GALNT17: variants seen among roughly 807,000 people sequenced by gnomAD.
GALNT17 encodes the protein UDP-GalNAc:polypeptide N-acetylgalactosaminyltransferase-like 3.
A neutral mutation model predicts 63.7 loss-of-function variants in GALNT17; 29 were observed. The observed-to-expected ratio is 0.46, with a 90% CI of 0.34 to 0.62. The LOEUF (loss-of-function observed/expected upper bound fraction) is 0.62, where lower values mean the gene tolerates loss of function less well. Among genes scored for constraint, GALNT17 ranks in the 20% least tolerant of loss-of-function variants. The probability of loss-of-function intolerance (pLI) is 0.01; values close to 1 mark genes in which losing one functional copy is unlikely to be tolerated. For missense variants in GALNT17, 603 were observed against 799.6 expected, an observed-to-expected ratio of 0.75 and a Z score of 2.97; for synonymous variants, 305 against 318.3, an observed-to-expected ratio of 0.96 and a Z score of 0.45.
chr7:71,476,871 AGT>A (rs763750064), intron 5 of GALNT17, among the ~76,000 whole-genome samples: 1 of 152,122 alleles, frequency 6.6e-6, no homozygotes, highest in African/African-American at 2.4e-5. Context: ...GACCTTAGCA[AGT>A]GTGAGGTTCT....
At chr7:71,613,216 A>G (rs1415105209) in intron 6 of GALNT17, among the ~76,000 whole-genome samples, 1 of 152,232 alleles carries the variant, frequency 6.6e-6, no homozygotes, top group Non-Finnish European at 1.5e-5. Flanking sequence ...AGGGAGAGCT[A>G]ATGATGGTAC....
intron 9 of GALNT17, among the ~76,000 whole-genome samples, chr7:71,710,552 G>A (rs1446767390): frequency 6.6e-6 from 1 of 151,860 alleles, no homozygotes; most frequent in Admixed American, 6.6e-5. Context: ...TGGGGACTCT[G>A]TATCCAGGCT....
At chr7:71,136,467 G>A (rs185734653) in intron 1 of GALNT17, among the ~76,000 whole-genome samples, 8 of 152,126 alleles carry the variant, frequency 5.3e-5, no homozygotes, top group African/African-American at 1.9e-4. Context: ...GATTTATGGA[G>A]GGCTCTACCT....
intron 5 of GALNT17, among the ~76,000 whole-genome samples, chr7:71,550,154 C>A (rs1376495279): frequency 1.3e-5 from 2 of 151,796 alleles, no homozygotes; most frequent in Middle Eastern, 3.2e-3. Context: ...TCAACAGGTT[C>A]ATTGTAAAGG....
At chr7:71,296,946 A>G (rs1791092514) in intron 1 of GALNT17, among the ~76,000 whole-genome samples, 1 of 152,200 alleles carries the variant, frequency 6.6e-6, no homozygotes, top group Non-Finnish European at 1.5e-5. Context: ...TCTTCAGGCT[A>G]TAGAAGTTGA....
intron 5 of GALNT17, among the ~76,000 whole-genome samples, chr7:71,445,102 C>T (rs1787136299): frequency 1.3e-5 from 2 of 151,784 alleles, no homozygotes; most frequent in South Asian, 4.2e-4. Context: ...AGCCATCATG[C>T]CATCACCCAG....
At chr7:71,421,245 A>G in intron 5 of GALNT17, 140 bp downstream of exon 5, 1 of 846,538 alleles carries the variant, frequency 1.2e-6, no homozygotes, top group Non-Finnish European at 1.8e-6. Flanking sequence ...CCGTTGTCTC[A>G]GGATCACAGC....
intron 5 of GALNT17, among the ~76,000 whole-genome samples, chr7:71,551,627 G>A (rs34860529): frequency 0.13 from 20,054 of 151,998 alleles, 1,958 homozygotes; most frequent in East Asian, 0.5. Context: ...AATTAGCCAG[G>A]TGCATGGCAC....
intron 5 of GALNT17, among the ~76,000 whole-genome samples, chr7:71,455,193 G>T (rs765389812): frequency 1.3e-5 from 2 of 151,978 alleles, no homozygotes; most frequent in African/African-American, 4.8e-5. Context: ...AGGAATGCTG[G>T]TCAGTTGTTC....
At chr7:71,239,302 C>T (rs1789951253) in intron 1 of GALNT17, among the ~76,000 whole-genome samples, 1 of 150,970 alleles carries the variant, frequency 6.6e-6, no homozygotes, top group Non-Finnish European at 1.5e-5. Flanking sequence ...TGTACCCCCC[C>T]CCAAAAAAAA....
At chr7:71,710,075 G>C (rs1791770889) in intron 9 of GALNT17, among the ~76,000 whole-genome samples, 1 of 152,156 alleles carries the variant, frequency 6.6e-6, no homozygotes, top group Admixed American at 6.5e-5. Flanking sequence ...TGGAGACTCA[G>C]GTTACTTGTT....
intron 6 of GALNT17, 76 bp downstream of exon 6, chr7:71,571,478 A>G: frequency 8.0e-7 from 1 of 1,246,920 alleles, no homozygotes; most frequent in Non-Finnish European, 1.2e-6. Context: ...CGTGGGGTGT[A>G]TTTAAAGCTC....
intron 5 of GALNT17, among the ~76,000 whole-genome samples, chr7:71,481,026 G>C (rs1013927023): frequency 6.6e-6 from 1 of 152,206 alleles, no homozygotes; most frequent in Admixed American, 6.5e-5. Flanking sequence ...GCACTGGCTG[G>C]CACCTCTCTT....
chr7:71,173,133 G>C (rs1788574822), intron 1 of GALNT17, among the ~76,000 whole-genome samples: 1 of 152,190 alleles, frequency 6.6e-6, no homozygotes, highest in African/African-American at 2.4e-5. Flanking sequence ...CCTGGACACT[G>C]ACATGCCTGT....
intron 5 of GALNT17, among the ~76,000 whole-genome samples, chr7:71,465,226 C>T (rs150717697): frequency 6.6e-5 from 10 of 152,228 alleles, no homozygotes; most frequent in African/African-American, 2.4e-4. Flanking sequence ...GGTATACCCT[C>T]CTTATCTCCT....
intron 2 of GALNT17, among the ~76,000 whole-genome samples, chr7:71,366,660 C>T (rs549547693): frequency 1.3e-5 from 2 of 152,154 alleles, no homozygotes; most frequent in South Asian, 4.1e-4. Flanking sequence ...CTACTGTTGG[C>T]TGTTTCTTGT....
intron 5 of GALNT17, among the ~76,000 whole-genome samples, chr7:71,518,638 T>G (rs1215645052): frequency 6.6e-6 from 1 of 152,236 alleles, no homozygotes; most frequent in Non-Finnish European, 1.5e-5. Context: ...GTATAGATTT[T>G]AAAGCAGCTT....
intron 6 of GALNT17, among the ~76,000 whole-genome samples, chr7:71,609,529 A>G (rs1334138111): frequency 2.0e-5 from 3 of 152,170 alleles, no homozygotes; most frequent in Admixed American, 6.5e-5. Context: ...AATTTTTTTC[A>G]TTTTTATTAT....
chr7:71,548,508 G>T (rs2116824487), intron 5 of GALNT17, among the ~76,000 whole-genome samples: 1 of 152,296 alleles, frequency 6.6e-6, no homozygotes, highest in South Asian at 2.1e-4. Context: ...AATCATGGTG[G>T]TAGGTTTCTC....
Sources: gnomAD v4.1 joint callset for allele counts (sites outside exome capture counted in the v4.1 genomes callset) on GRCh38, gnomAD v4.1.1 for gene constraint, MANE v1.5 for transcripts, NCBI Gene and HGNC (gene_info 2026-07-23, HGNC 2026-07-21) for gene names.